MATN2: variants seen among roughly 807,000 people sequenced by gnomAD.
MATN2 encodes matrilin-2.
A neutral mutation model predicts 103.2 loss-of-function variants in MATN2; 69 were observed. The ratio of observed to expected loss-of-function variants is 0.67; its 90% CI spans 0.55 to 0.82. The LOEUF (loss-of-function observed/expected upper bound fraction) is 0.82, where lower values mean the gene tolerates loss of function less well. Among genes scored for constraint, MATN2 ranks in the 40% least tolerant of loss-of-function variants. The pLI is 0.00. For missense variants in MATN2, 1,023 were observed against 1,211.5 expected (o/e 0.84, Z 2.31); for synonymous variants, 429 against 450.2 (o/e 0.95, Z 0.60).
Position 98,007,315 on chromosome 8 carries a change from G to C in MATN2, c.1450+88G>C. The stretch of plus-strand genomic sequence containing the variant: ...TGCAGAGGGCACAGGTTGTACTTGG[G>C]CACCCCTCCCCTGCCCCTTGCTCTG... On this transcript the variant is annotated intron_variant, in intron 9 of 18. Coordinates refer to ENST00000254898, the MANE Select transcript of MATN2 (RefSeq NM_002380.5). This position sits in a 1 kb window ranked among gnomAD's most constrained non-coding sequence, Gnocchi z 4.2. 1 of 1,586,020 alleles carries C rather than the reference G, an allele frequency of 6.3e-7. No homozygotes were observed. The highest frequency in any genetic ancestry group is 8.6e-7 in the Non-Finnish European group (1 of 1,160,090).
intron 18 of MATN2, among the ~76,000 whole-genome samples, chr8:98,033,950 G>T (rs946917678): frequency 1.2e-4 from 18 of 152,102 alleles, no homozygotes; most frequent in Non-Finnish European, 2.9e-5. Context: ...AGAGACACTG[G>T]CCTAACTCCG....
At chr8:97,911,653 G>T (rs1809444893) in intron 2 of MATN2, among the ~76,000 whole-genome samples, 1 of 150,514 alleles carries the variant, frequency 6.6e-6, no homozygotes. Context: ...GTTGTAGTGA[G>T]CCGAGATCAC....
intron 2 of MATN2, among the ~76,000 whole-genome samples, chr8:97,927,729 C>T (rs1321266504): frequency 6.6e-6 from 1 of 152,134 alleles, no homozygotes; most frequent in African/African-American, 2.4e-5. Context: ...GGAAACTACC[C>T]ATTTGTTTTG....
At chr8:97,891,984 C>T (rs1477632321) in intron 2 of MATN2, among the ~76,000 whole-genome samples, 3 of 151,698 alleles carry the variant, frequency 2.0e-5, no homozygotes, top group Non-Finnish European at 4.4e-5. Context: ...CACCTGTAAT[C>T]CCAGCACTTT....
At chr8:97,887,336 T>C (rs755332764) in intron 1 of MATN2, among the ~76,000 whole-genome samples, 2 of 152,188 alleles carry the variant, frequency 1.3e-5, no homozygotes, top group Non-Finnish European at 2.9e-5. Flanking sequence ...ACATGAGCCA[T>C]GGCACCTAGA....
rs1319426383 is a variant in MATN2 at position 97,978,992 on chromosome 8, T to TA, written c.1072dup (p.Thr358AsnfsTer12). On this transcript the variant is annotated frameshift_variant, in exon 6 of 19. Transcript: ENST00000254898. LOFTEE classifies it high-confidence loss of function. ...ATGAAGGATTTGCTCTTAACCCAGA[T>TA]AAAAAAACGTGCACAAGTAAGTTAC... 4 of 1,610,932 alleles carry TA rather than the reference T, an allele frequency of 2.5e-6. No individual in the cohort carries two copies. Among genetic ancestry groups the TA allele is most frequent in the African/African-American group, 1.3e-5 (1 of 74,816 alleles).
At chr8:97,881,189 C>T (rs1818241841) in intron 1 of MATN2, among the ~76,000 whole-genome samples, 1 of 152,166 alleles carries the variant, frequency 6.6e-6, no homozygotes, top group Non-Finnish European at 1.5e-5. Context: ...GATCTTGCCA[C>T]CTTCTTCAGG....
At chr8:97,969,839 G>C (rs1811598929) in intron 5 of MATN2, among the ~76,000 whole-genome samples, 1 of 152,218 alleles carries the variant, frequency 6.6e-6, no homozygotes, top group Non-Finnish European at 1.5e-5. Flanking sequence ...GGCAAAGGGG[G>C]CATGGGTAAA....
chr8:97,986,756 T>C lies in MATN2; in HGVS notation c.1082-7724T>C, dbSNP rs894271039. On this transcript the variant is annotated intron_variant, in intron 6 of 18. Coordinates refer to ENST00000254898, the MANE Select transcript of MATN2 (RefSeq NM_002380.5). ...TGCTATAAACATGCGTGTGCAAGTATCTTTTTCATATAATGACTTAATTTC... is the reference window on the plus strand; with the variant it reads ...TGCTATAAACATGCGTGTGCAAGTACCTTTTTCATATAATGACTTAATTTC... Among the ~76,000 whole-genome samples the C allele has an allele frequency of 6.6e-5, 10 of 152,360 alleles. No individual in the cohort carries two copies. The East Asian group carries it at 1.9e-3, about 29-fold the overall frequency.
At chr8:97,953,069 T>C (rs1274764089) in intron 4 of MATN2, among the ~76,000 whole-genome samples, 1 of 152,062 alleles carries the variant, frequency 6.6e-6, no homozygotes, top group Admixed American at 6.6e-5. Context: ...ACTACAGGTG[T>C]GTGCCACTGT....
In MATN2 at chr8:98,000,611, G is replaced by A. The variant is rs375638819; in HGVS notation, c.1205-3050G>A. Reference sequence around the variant, plus strand: ...GACTCCGTCTCAAAAAAAAAAAAAAGAAATATGGTTAACAATCACACATAT... The same window carrying A: ...GACTCCGTCTCAAAAAAAAAAAAAAAAAATATGGTTAACAATCACACATAT... On this transcript the variant is annotated intron_variant, in intron 7 of 18. Coordinates refer to ENST00000254898, the MANE Select transcript of MATN2 (RefSeq NM_002380.5). Among the ~76,000 whole-genome samples the A allele has an allele frequency of 6.5e-3, 455 of 69,908 alleles. 2 individuals carry two copies. Among genetic ancestry groups the A allele is most frequent in the Middle Eastern group, 0.016 (2 of 124 alleles). 45.9% of individuals were successfully genotyped at this position (69,908 alleles called of 152,430 possible).
rs999547777 is a variant in MATN2, at chr8:98,005,097, C to T, written c.1327+1314C>T. Reference sequence around the variant, plus strand: ...TGCAGCTGTTGAGCCCTGGGCTCCACGCTGCCAGCAGGGAAGTTTCCCAGA... The same window carrying T: ...TGCAGCTGTTGAGCCCTGGGCTCCATGCTGCCAGCAGGGAAGTTTCCCAGA... On this transcript the variant is annotated intron_variant, in intron 8 of 18. Transcript: ENST00000254898. The surrounding 1 kb of genome is among the most constrained non-coding windows in gnomAD (Gnocchi z 4.6). Among the ~76,000 whole-genome samples, 8 of 152,342 alleles carry T rather than the reference C, an allele frequency of 5.3e-5. No individual in the cohort carries two copies. The highest frequency in any genetic ancestry group is 1.4e-4 in the African/African-American group (6 of 41,584).
At chr8:97,912,523 A>G (rs1208804909) in intron 2 of MATN2, among the ~76,000 whole-genome samples, 1 of 152,212 alleles carries the variant, frequency 6.6e-6, no homozygotes, top group African/African-American at 2.4e-5. Context: ...ACTTCTGCCA[A>G]GTAAGAATGG....
At chr8:97,995,783 A>C (rs908001929) in intron 7 of MATN2, among the ~76,000 whole-genome samples, 4 of 152,220 alleles carry the variant, frequency 2.6e-5, no homozygotes, top group Non-Finnish European at 4.4e-5. Context: ...ATGGTTGCAA[A>C]TCCTGGATTT....
In MATN2 at chr8:97,931,604, T is replaced by C. The variant is rs1810201430; in HGVS notation, c.712+82T>C. 3.7e-6 allele frequency: 5 copies of C among 1,337,138 alleles called. No homozygotes were observed. Among genetic ancestry groups the C allele is most frequent in the Non-Finnish European group, 3.0e-6 (3 of 984,962 alleles). The allele number at this position is 1,337,138 out of a possible 1,614,324, so 82.8% of individuals were successfully genotyped here. A position where few individuals can be genotyped will look rare whatever the true frequency, so the allele number is the denominator to read the frequency against. On this transcript the variant is annotated intron_variant, in intron 3 of 18. Coordinates refer to ENST00000254898, the MANE Select transcript of MATN2 (RefSeq NM_002380.5). This position sits in a 1 kb window ranked among gnomAD's most constrained non-coding sequence, Gnocchi z 4.1. ...TCTTCAAGTGTTCATTCTGTGTTAC[T>C]ATGTCCCAGGTACTGTGCTGGCAAT...
intron 2 of MATN2, among the ~76,000 whole-genome samples, chr8:97,927,256 G>C (rs185962430): frequency 8.9e-4 from 135 of 152,198 alleles, no homozygotes; most frequent in African/African-American, 3.0e-3. Flanking sequence ...CGATTCTCCT[G>C]CCTCAGCCTC....
chr8:97,871,864 G>T lies in MATN2; in HGVS notation c.-27+2577G>T, dbSNP rs901324601. ...TGACTATGACAGTGGCTTTGACATG[G>T]ATGAGATGGAGTTGGGGTACAACCC... On this transcript the variant is annotated intron_variant, in intron 1 of 18. Transcript: ENST00000254898. Among the ~76,000 whole-genome samples the T allele has an allele frequency of 3.9e-5, 6 of 152,206 alleles. No homozygotes were observed. In the South Asian group the frequency reaches 1.2e-3, roughly 31 times the overall value.
intron 6 of MATN2, among the ~76,000 whole-genome samples, chr8:97,979,706 G>C (rs1046568099): frequency 6.6e-6 from 1 of 152,148 alleles, no homozygotes; most frequent in African/African-American, 2.4e-5. Context: ...GATCACTTGA[G>C]AAAAGCTTGC....
At chr8:98,017,866 C>T in intron 11 of MATN2, 128 bp from the exon 12 acceptor site, 1 of 999,616 alleles carries the variant, frequency 1.0e-6, no homozygotes, top group Non-Finnish European at 1.5e-6. Context: ...ACTTCCTGCC[C>T]CATGGACCAC....
Sources: gnomAD v4.1 joint callset for allele counts (sites outside exome capture counted in the v4.1 genomes callset) on GRCh38, gnomAD v4.1.1 for gene constraint, Gnocchi (gnomAD v3.1) non-coding constraint, MANE v1.5 for transcripts, NCBI Gene and HGNC (gene_info 2026-07-23, HGNC 2026-07-21) for gene names.